TSPAN9: variants seen among roughly 807,000 people sequenced by gnomAD.
TSPAN9 encodes tetraspanin 9.
In TSPAN9, 16 loss-of-function variants were observed where a neutral mutation model predicts 31.0. That is an observed-to-expected ratio of 0.52 (90% CI 0.35 to 0.78). The LOEUF (loss-of-function observed/expected upper bound fraction) is 0.78, where lower values mean the gene tolerates loss of function less well. Among genes scored for constraint, TSPAN9 ranks in the 30% least tolerant of loss-of-function variants. The probability of loss-of-function intolerance (pLI) is 0.01; values close to 1 mark genes in which losing one functional copy is unlikely to be tolerated. For missense variants in TSPAN9, 272 were observed against 312.5 expected, an observed-to-expected ratio of 0.87 and a Z score of 0.98; for synonymous variants, 145 against 121.6, an observed-to-expected ratio of 1.19 and a Z score of -1.27.
At chr12:3,226,777 TA>T (rs57510623) in intron 3 of TSPAN9, among the ~76,000 whole-genome samples, 1 of 7,154 alleles carries the variant, frequency 1.4e-4, no homozygotes, top group African/African-American at 4.7e-4. Flanking sequence ...TATATATATA[TA>T]TATATATATA....
At chr12:3,216,522 G>T (rs570349804) in intron 3 of TSPAN9, among the ~76,000 whole-genome samples, 31 of 152,220 alleles carry the variant, frequency 2.0e-4, no homozygotes, top group Non-Finnish European at 3.7e-4. Context: ...AGCACCCAAA[G>T]CTCTTCTCAA....
chr12:3,100,517 G>A (rs2098311406), intron 2 of TSPAN9, among the ~76,000 whole-genome samples: 4 of 152,328 alleles, frequency 2.6e-5, no homozygotes, highest in South Asian at 4.1e-4. Context: ...TCGTCTGTCA[G>A]GGATTGCAGT....
chr12:3,201,197 G>A lies in TSPAN9; in HGVS notation c.4G>A (p.Ala2Thr). MARGCLCCLKYM... is the reference protein window; with the variant it reads MTRGCLCCLKYM... Reference sequence around the variant, plus strand: ...CCTAGAATTTAAGAAGTGCAACATGGCCAGGGGCTGCCTCTGCTGCTTGAA... The same window carrying A: ...CCTAGAATTTAAGAAGTGCAACATGACCAGGGGCTGCCTCTGCTGCTTGAA... The change falls in exon 3 of 9, where the codon GCC becomes ACC. Residue 2 changes from alanine to threonine, a missense_variant. Coordinates refer to ENST00000011898, the MANE Select transcript of TSPAN9 (RefSeq NM_006675.5). The A allele has an allele frequency of 1.2e-6, 2 of 1,614,124 alleles. No homozygotes were observed. Among genetic ancestry groups the A allele is most frequent in the Non-Finnish European group, 1.7e-6 (2 of 1,179,990 alleles).
chr12:3,114,276 C>A (rs2098320883), intron 2 of TSPAN9, among the ~76,000 whole-genome samples: 2 of 152,118 alleles, frequency 1.3e-5, no homozygotes, highest in African/African-American at 4.8e-5. Context: ...AATTTCATGT[C>A]ATTTCCACAC....
intron 3 of TSPAN9, among the ~76,000 whole-genome samples, chr12:3,271,255 A>C (rs925219613): frequency 1.3e-5 from 2 of 152,246 alleles, no homozygotes; most frequent in African/African-American, 4.8e-5. Flanking sequence ...GAATCATGCC[A>C]TCTGGCTTGA....
chr12:3,210,997 C>T (rs1253010687), intron 3 of TSPAN9, among the ~76,000 whole-genome samples: 6 of 152,140 alleles, frequency 3.9e-5, no homozygotes, highest in Non-Finnish European at 4.4e-5. Flanking sequence ...CCTTCTGCCT[C>T]GGCCTTCCAA....
At chr12:3,112,430 C>A (rs897092892) in intron 2 of TSPAN9, among the ~76,000 whole-genome samples, 1 of 152,012 alleles carries the variant, frequency 6.6e-6, no homozygotes, top group Non-Finnish European at 1.5e-5. Flanking sequence ...CCTGCCTCAG[C>A]CTCCCAAAGT....
At chr12:3,094,806 A>C (rs999633922) in intron 2 of TSPAN9, among the ~76,000 whole-genome samples, 5 of 142,608 alleles carry the variant, frequency 3.5e-5, no homozygotes, top group Non-Finnish European at 7.5e-5. Context: ...AAGTACTGCG[A>C]TTACAGGCGT....
chr12:3,099,927 T>C (rs960177470), intron 2 of TSPAN9, among the ~76,000 whole-genome samples: 1 of 151,004 alleles, frequency 6.6e-6, no homozygotes, highest in African/African-American at 2.4e-5. Context: ...CTGCAAGCTC[T>C]GCCTCCCGGG....
rs139452380 is a variant in TSPAN9 at position 3,178,453 on chromosome 12, G to A, written c.-17-22724G>A. Among the ~76,000 whole-genome samples the A allele has an allele frequency of 3.2e-3, 491 of 152,174 alleles. 4 individuals carry two copies. Among genetic ancestry groups the A allele is most frequent in the African/African-American group, 0.011 (463 of 41,510 alleles). The stretch of plus-strand genomic sequence containing the variant: ...TTACAGGCATGCACTACCACGCCTG[G>A]CTAACTTTTGTATTTTTAGTAGAGA... On this transcript the variant is annotated intron_variant, in intron 2 of 8. Transcript: ENST00000011898.
At position 3,107,883 on chromosome 12, in the gene TSPAN9, C is replaced by T. The variant is rs911467322; in HGVS notation, c.-18+24164C>T. Reference sequence around the variant, plus strand: ...GGACTCTTGTCTCTGTCCAGGCCCCCAAGCCTTTGCACATATTCCTGCTCC... The same window carrying T: ...GGACTCTTGTCTCTGTCCAGGCCCCTAAGCCTTTGCACATATTCCTGCTCC... On this transcript the variant is annotated intron_variant, in intron 2 of 8. Coordinates refer to ENST00000011898, the MANE Select transcript of TSPAN9 (RefSeq NM_006675.5). This position sits in a 1 kb window ranked among gnomAD's most constrained non-coding sequence, Gnocchi z 4.1. Among the ~76,000 whole-genome samples, 1 of 152,218 alleles carries T rather than the reference C, an allele frequency of 6.6e-6. No homozygotes were observed. Among genetic ancestry groups the T allele is most frequent in the Non-Finnish European group, 1.5e-5 (1 of 68,028 alleles).
Position 3,211,377 on chromosome 12 carries a change from A to C in TSPAN9, c.63+10121A>C, listed in dbSNP as rs78331371. Among the ~76,000 whole-genome samples, 1,362 of 152,250 alleles carry C rather than the reference A, an allele frequency of 8.9e-3. 25 individuals are homozygous for C. Among genetic ancestry groups the C allele is most frequent in the African/African-American group, 0.031 (1,308 of 41,534 alleles). On this transcript the variant is annotated intron_variant, in intron 3 of 8. Coordinates refer to ENST00000011898, the MANE Select transcript of TSPAN9 (RefSeq NM_006675.5). ...CTGTCTTCATTACTACAACTTTATA[A>C]TAAGTCTCAATATCTGGTAGGGCAA...
At chr12:3,111,778 A>G (rs1011521343) in intron 2 of TSPAN9, among the ~76,000 whole-genome samples, 3 of 151,798 alleles carry the variant, frequency 2.0e-5, no homozygotes, top group African/African-American at 7.3e-5. Flanking sequence ...CACCTGGCTA[A>G]TTTTTGTATT....
chr12:3,128,150 A>G (rs1316522919), intron 2 of TSPAN9, among the ~76,000 whole-genome samples: 3 of 152,160 alleles, frequency 2.0e-5, no homozygotes, highest in African/African-American at 4.8e-5. Flanking sequence ...CGATATTACA[A>G]TATTGTTATT....
At chr12:3,096,824 C>G (rs2098309325) in intron 2 of TSPAN9, among the ~76,000 whole-genome samples, 1 of 152,068 alleles carries the variant, frequency 6.6e-6, no homozygotes, top group African/African-American at 2.4e-5. Context: ...TCCCGAGTAG[C>G]TGGGACTACA....
At chr12:3,267,372 TCTC>T (rs1319298946) in intron 3 of TSPAN9, among the ~76,000 whole-genome samples, 1 of 152,206 alleles carries the variant, frequency 6.6e-6, no homozygotes, top group East Asian at 1.9e-4. Context: ...GAGGTGCTCT[TCTC>T]TCTCTGGTTT....
intron 2 of TSPAN9, among the ~76,000 whole-genome samples, chr12:3,108,722 C>A (rs2098315970): frequency 6.6e-6 from 1 of 152,154 alleles, no homozygotes; most frequent in Non-Finnish European, 1.5e-5. Context: ...TATTTTCTTT[C>A]CTATCCCCCT....
At chr12:3,077,737 G>C (rs1244680249) in intron 1 of TSPAN9, among the ~76,000 whole-genome samples, 1 of 152,172 alleles carries the variant, frequency 6.6e-6, no homozygotes, top group African/African-American at 2.4e-5. Context: ...CTCCGAGGAA[G>C]ACCGTTTCAG....
chr12:3,211,041 C>T (rs895595308), intron 3 of TSPAN9, among the ~76,000 whole-genome samples: 1 of 152,204 alleles, frequency 6.6e-6, no homozygotes, highest in Non-Finnish European at 1.5e-5. Context: ...CCACGGCGCC[C>T]TGCTTCAGCT....
Sources: gnomAD v4.1 joint callset for allele counts (sites outside exome capture counted in the v4.1 genomes callset) on GRCh38, gnomAD v4.1.1 for gene constraint, Gnocchi (gnomAD v3.1) non-coding constraint, MANE v1.5 for transcripts, NCBI Gene and HGNC (gene_info 2026-07-23, HGNC 2026-07-21) for gene names.